MVB12B: variants seen among roughly 807,000 people sequenced by gnomAD.
MVB12B encodes the protein ESCRT-I complex subunit MVB12B.
In MVB12B, 16 loss-of-function variants were observed where a neutral mutation model predicts 41.6. The ratio of observed to expected loss-of-function variants is 0.38; its 90% CI spans 0.26 to 0.58. MVB12B has a LOEUF of 0.58. Among genes scored for constraint, MVB12B ranks in the 20% least tolerant of loss-of-function variants. The pLI, the probability that MVB12B is intolerant of heterozygous loss-of-function variation, is 0.62. For missense variants in MVB12B, 274 were observed against 380.2 expected, an observed-to-expected ratio of 0.72 and a Z score of 2.32; for synonymous variants, 133 against 139.7, an observed-to-expected ratio of 0.95 and a Z score of 0.34.
intron 6 of MVB12B, among the ~76,000 whole-genome samples, chr9:126,420,935 T>C (rs1831995507): frequency 6.6e-6 from 1 of 152,210 alleles, no homozygotes; most frequent in Admixed American, 6.5e-5. Flanking sequence ...CTTTATGTGA[T>C]AAGTGTTCCC....
chr9:126,382,028 T>G (rs1830651175), intron 3 of MVB12B, among the ~76,000 whole-genome samples: 1 of 151,184 alleles, frequency 6.6e-6, no homozygotes. Flanking sequence ...CTTTGTCATG[T>G]AAATTTTTAT....
At chr9:126,398,677 C>T (rs998908312) in intron 6 of MVB12B, among the ~76,000 whole-genome samples, 1 of 152,234 alleles carries the variant, frequency 6.6e-6, no homozygotes, top group African/African-American at 2.4e-5. Context: ...TACTGCCCAG[C>T]CGTGGCGGTG....
chr9:126,476,573 T>C (rs1482467616), intron 7 of MVB12B, among the ~76,000 whole-genome samples: 1 of 152,178 alleles, frequency 6.6e-6, no homozygotes, highest in African/African-American at 2.4e-5. Context: ...CCTTACATAT[T>C]ATATATACAA....
In MVB12B at chr9:126,497,748, G is replaced by A. The variant is rs76741575; in HGVS notation, c.874-5429G>A. On this transcript the variant is annotated intron_variant, in intron 9 of 9. Coordinates refer to ENST00000361171, the MANE Select transcript of MVB12B (RefSeq NM_033446.3). ...ACGCTTTCTGGAGCTGGGGCTTCCC[G>A]CTGGGTATGCAGCCTCTCCAATGTC... 8.1e-3 allele frequency among the ~76,000 whole-genome samples: 1,233 copies of A among 152,296 alleles called. 18 individuals are homozygous for A. The highest frequency in any genetic ancestry group is 0.027 in the African/African-American group (1,133 of 41,562).
intron 9 of MVB12B, among the ~76,000 whole-genome samples, chr9:126,485,886 G>T (rs1180351193): frequency 6.6e-6 from 1 of 152,136 alleles, no homozygotes; most frequent in Non-Finnish European, 1.5e-5. Flanking sequence ...CTGTAGAGCG[G>T]GTGGTTAAGC....
intron 7 of MVB12B, among the ~76,000 whole-genome samples, chr9:126,456,940 G>A (rs1166948755): frequency 3.9e-5 from 6 of 152,126 alleles, no homozygotes; most frequent in Admixed American, 6.6e-5. Flanking sequence ...CCCCGGCTTC[G>A]TCCTGAAGCA....
At position 126,480,470 on chromosome 9, in the gene MVB12B, T is replaced by G. The variant is rs1430199821; in HGVS notation, c.758-899T>G. Reference sequence around the variant, plus strand: ...TATAATTCATAGAGAAGTGCTCACTTACGGAGGCACACCCTGGGTCGTTTC... The same window carrying G: ...TATAATTCATAGAGAAGTGCTCACTGACGGAGGCACACCCTGGGTCGTTTC... On this transcript the variant is annotated intron_variant, in intron 7 of 9. Transcript: ENST00000361171. This position sits in a 1 kb window ranked among gnomAD's most constrained non-coding sequence, Gnocchi z 4.9. 2.0e-5 allele frequency among the ~76,000 whole-genome samples: 3 copies of G among 152,168 alleles called. No homozygotes were observed. Among genetic ancestry groups the G allele is most frequent in the African/African-American group, 7.2e-5 (3 of 41,448 alleles).
intron 6 of MVB12B, among the ~76,000 whole-genome samples, chr9:126,407,263 G>A (rs1831463806): frequency 6.6e-6 from 1 of 152,002 alleles, no homozygotes; most frequent in South Asian, 2.1e-4. Flanking sequence ...TGTGCCCGTA[G>A]TCACCAACAG....
intron 1 of MVB12B, among the ~76,000 whole-genome samples, chr9:126,334,700 C>G (rs1156364784): frequency 2.0e-5 from 3 of 152,158 alleles, no homozygotes; most frequent in African/African-American, 7.2e-5. Flanking sequence ...CCAGCAAAAC[C>G]TGATGGGAGT....
At chr9:126,500,443 C>T (rs1288960065) in intron 9 of MVB12B, among the ~76,000 whole-genome samples, 1 of 151,700 alleles carries the variant, frequency 6.6e-6, no homozygotes, top group Non-Finnish European at 1.5e-5. Flanking sequence ...TCTGGCCCTT[C>T]CCTCTCTGCC....
Position 126,410,241 on chromosome 9 carries a change from G to A in MVB12B, c.663-11613G>A, listed in dbSNP as rs534013757. On this transcript the variant is annotated intron_variant, in intron 6 of 9. Coordinates refer to ENST00000361171, the MANE Select transcript of MVB12B (RefSeq NM_033446.3). The stretch of plus-strand genomic sequence containing the variant: ...ATGAGGAAAACCCATTCTACAGTCA[G>A]CCTGGTAGGTTGGAGTTGCATTGGT... Among the ~76,000 whole-genome samples, 27 of 152,268 alleles carry A rather than the reference G, an allele frequency of 1.8e-4. 1 individual carries two copies. The South Asian group carries it at 5.4e-3, about 30-fold the overall frequency.
chr9:126,503,086 C>G, intron 9 of MVB12B, 91 bp from the exon 10 acceptor site: 1 of 1,179,742 alleles, frequency 8.5e-7, no homozygotes, highest in Non-Finnish European at 1.2e-6. Context: ...GCGGCCCAGG[C>G]CTCTGCCTGA....
intron 6 of MVB12B, among the ~76,000 whole-genome samples, chr9:126,401,310 G>A (rs60011469): frequency 3.9e-5 from 6 of 152,330 alleles, no homozygotes; most frequent in African/African-American, 1.2e-4. Context: ...CGTGTTGCTC[G>A]CTATTGCAGT....
rs762454427 is a variant in MVB12B, at chr9:126,392,063, C to T, written c.410-3C>T. 6.2e-6 allele frequency: 10 copies of T among 1,614,166 alleles called. No homozygotes were observed. Among genetic ancestry groups the T allele is most frequent in the South Asian group, 2.2e-5 (2 of 91,080 alleles). On this transcript the variant is annotated splice_polypyrimidine_tract_variant and splice_region_variant and intron_variant, in intron 4 of 9. Transcript: ENST00000361171. This position sits in a 1 kb window ranked among gnomAD's most constrained non-coding sequence, Gnocchi z 4.8. ...ATACCTTTTCTATTGTCCTTTCCTT[C>T]AGAGGAAGTGGCTTTTAGGAAGAAG...
intron 2 of MVB12B, among the ~76,000 whole-genome samples, chr9:126,362,519 A>G (rs1830055536): frequency 6.6e-6 from 1 of 152,218 alleles, no homozygotes. Flanking sequence ...ATGTACTGCC[A>G]TGTGTGACTG....
intron 1 of MVB12B, among the ~76,000 whole-genome samples, chr9:126,327,912 A>G (rs1829029330): frequency 6.6e-6 from 1 of 152,110 alleles, no homozygotes; most frequent in Admixed American, 6.5e-5. Flanking sequence ...GCCCACTCCG[A>G]TTGCTGCCAC....
chr9:126,453,948 C>G (rs1052041366), intron 7 of MVB12B, among the ~76,000 whole-genome samples: 7 of 152,132 alleles, frequency 4.6e-5, no homozygotes, highest in African/African-American at 1.2e-4. Context: ...ATGAGAGAGG[C>G]AAGATGGAAG....
At chr9:126,502,390 A>AGGTAC (rs1325081176) in intron 9 of MVB12B, among the ~76,000 whole-genome samples, 1 of 151,958 alleles carries the variant, frequency 6.6e-6, no homozygotes, top group Non-Finnish European at 1.5e-5. Flanking sequence ...GCCCCCTCAG[A>AGGTAC]GGTACTTAAC....
intron 7 of MVB12B, among the ~76,000 whole-genome samples, chr9:126,425,792 C>G (rs1832159761): frequency 6.6e-6 from 1 of 152,174 alleles, no homozygotes. Context: ...TTCATGTCCC[C>G]CATCAGTGTG....
Sources: allele counts gnomAD v4.1 joint callset (sites outside exome capture counted in the v4.1 genomes callset), GRCh38; gene constraint gnomAD v4.1.1; non-coding constraint Gnocchi (gnomAD v3.1); transcripts MANE v1.5; gene names NCBI Gene and HGNC (gene_info 2026-07-23, HGNC 2026-07-21).